Variants in XIAP observed in about 807,000 individuals in gnomAD.
The protein encoded by XIAP is E3 ubiquitin-protein ligase XIAP.
XIAP carries 3 observed loss-of-function variants against 33.1 expected under a neutral mutation model. That is an observed-to-expected ratio of 0.09 (90% CI 0.04 to 0.23). The LOEUF is 0.23. Among genes scored for constraint, XIAP ranks in the 10% least tolerant of loss-of-function variants. XIAP has a pLI of 1.00. For synonymous variants in XIAP, 98 were observed against 121.3 expected (o/e 0.81, Z 1.26); for missense variants, 264 against 363.0 (o/e 0.73, Z 2.22).
chrX:123,863,541 C>T (rs767201394), intron 1 of XIAP, among the ~76,000 whole-genome samples: 16 of 111,587 alleles, frequency 1.4e-4, no homozygotes, highest in Non-Finnish European at 1.7e-4. Flanking sequence ...TGGAGTTTCA[C>T]TCTTGTTGCC....
At chrX:123,888,849 C>T in intron 3 of XIAP, 131 bp downstream of exon 3, 1 of 568,294 alleles carries the variant, frequency 1.8e-6, no homozygotes, top group Non-Finnish European at 3.0e-6. Context: ...TAAAAATGAG[C>T]AAGGTTTATA....
chrX:123,900,791 A>T, intron 6 of XIAP, 98 bp downstream of exon 6: 1 of 771,808 alleles, frequency 1.3e-6, no homozygotes, highest in Non-Finnish European at 2.0e-6. Context: ...GTGGATATGG[A>T]CATTTTTTAA....
chrX:123,910,224 A>T lies in XIAP; in HGVS notation c.*3043A>T, dbSNP rs1224975332. Reference sequence around the variant, plus strand: ...ATAGCTTTATATTGCCTTTCCTGCTACATTTGGTTTTTTCCCCTGTCCCTT... The same window carrying T: ...ATAGCTTTATATTGCCTTTCCTGCTTCATTTGGTTTTTTCCCCTGTCCCTT... On this transcript the variant is annotated 3_prime_UTR_variant, in exon 7 of 7. Transcript: ENST00000371199. The T allele has an allele frequency of 9.1e-6, 3 of 328,084 alleles. No individual in the cohort carries two copies. The highest frequency in any genetic ancestry group is 1.8e-5 in the Non-Finnish European group (3 of 169,793). 27.0% of individuals were successfully genotyped at this position (328,084 alleles called of 1,213,427 possible). A position where few individuals can be genotyped will look rare whatever the true frequency, so the allele number is the denominator to read the frequency against.
Position 123,882,817 on chromosome X carries a change from C to T in XIAP, c.-32-2814C>T, listed in dbSNP as rs5958335. ...TTGTTTTTTGAGACGCTCGCTCTGT[C>T]GCCCAGGCTGGGGTGCAGTGGCACG... On this transcript the variant is annotated intron_variant, in intron 1 of 6. Transcript: ENST00000371199. 2.7e-3 allele frequency among the ~76,000 whole-genome samples: 306 copies of T among 112,524 alleles called. 1 individual carries two copies. The highest frequency in any genetic ancestry group is 8.9e-3 in the African/African-American group (277 of 31,065).
At chrX:123,903,515 G>A (rs2053532646) in intron 6 of XIAP, among the ~76,000 whole-genome samples, 1 of 109,297 alleles carries the variant, frequency 9.1e-6, no homozygotes, top group Non-Finnish European at 1.9e-5. Flanking sequence ...GACCTTAATT[G>A]GGAACCTGAA....
In XIAP at chrX:123,888,657, G is replaced by A; in HGVS notation, c.916G>A (p.Gly306Arg). The change falls in exon 3 of 7, where the codon GGG becomes AGG. Residue 306 changes from glycine to arginine, a missense_variant. Coordinates refer to ENST00000371199, the MANE Select transcript of XIAP (RefSeq NM_001167.4). ...DKVKCFHCGGGLTDWKPSEDP... is the reference protein window; with the variant it reads ...DKVKCFHCGGRLTDWKPSEDP... ...AGTAAAGTGCTTTCACTGTGGAGGA[G>A]GGCTAACTGATTGGAAGCCCAGTGA... is the stretch of plus-strand genomic sequence containing the variant. The A allele has an allele frequency of 8.3e-7, 1 of 1,211,877 alleles. No homozygotes were observed. The highest frequency in any genetic ancestry group is 1.1e-6 in the Non-Finnish European group (1 of 895,478).
chrX:123,901,946 C>T (rs2053517667), intron 6 of XIAP, among the ~76,000 whole-genome samples: 1 of 111,622 alleles, frequency 9.0e-6, no homozygotes, highest in Non-Finnish European at 1.9e-5. Context: ...GATTCTCCTG[C>T]CTCACCCTCC....
intron 1 of XIAP, 175 bp downstream of exon 1, chrX:123,860,468 G>T: frequency 3.8e-6 from 1 of 261,318 alleles, no homozygotes; most frequent in Admixed American, 5.0e-5. Flanking sequence ...GGGTTCCTCG[G>T]ACTGCCGACG....
At chrX:123,894,912 C>G (rs1045907027) in intron 5 of XIAP, among the ~76,000 whole-genome samples, 4 of 109,742 alleles carry the variant, frequency 3.6e-5, no homozygotes, top group Admixed American at 1.0e-4. Context: ...CTACTGCACT[C>G]CAGCCTGGGT....
chrX:123,883,762 C>T (rs914667124), intron 1 of XIAP, among the ~76,000 whole-genome samples: 3 of 111,258 alleles, frequency 2.7e-5, no homozygotes, highest in Non-Finnish European at 5.6e-5. Context: ...TCCCAAAGTG[C>T]TGGGATTACA....
chrX:123,885,522 C>T (rs1053468001), intron 1 of XIAP, 109 bp from the exon 2 acceptor site: 4 of 579,618 alleles, frequency 6.9e-6, no homozygotes, highest in Admixed American at 3.3e-5. Flanking sequence ...TCTTAGCGGT[C>T]GTGTAGTTAT....
At chrX:123,894,546 A>G (rs2053441159) in intron 5 of XIAP, among the ~76,000 whole-genome samples, 1 of 111,916 alleles carries the variant, frequency 8.9e-6, no homozygotes, top group Non-Finnish European at 1.9e-5. Context: ...AGGCAGGTGG[A>G]TCACCTGAGG....
At chrX:123,868,247 G>A (rs1240466147) in intron 1 of XIAP, among the ~76,000 whole-genome samples, 1 of 110,957 alleles carries the variant, frequency 9.0e-6, no homozygotes, top group African/African-American at 3.3e-5. Flanking sequence ...GAGCCATGAG[G>A]GCACCACTGC....
At chrX:123,880,439 T>TA (rs35181194) in intron 1 of XIAP, among the ~76,000 whole-genome samples, 1,228 of 80,951 alleles carry the variant, frequency 0.015, 17 homozygotes, top group African/African-American at 0.051. Flanking sequence ...AAAACCCTAA[T>TA]AAAAAAAAAA....
At chrX:123,877,018 G>C (rs1224082116) in intron 1 of XIAP, among the ~76,000 whole-genome samples, 4 of 108,920 alleles carry the variant, frequency 3.7e-5, no homozygotes, top group African/African-American at 1.3e-4. Context: ...GTAAATACAA[G>C]AATGTTAAAG....
chrX:123,865,353 G>T (rs1454989837), intron 1 of XIAP, among the ~76,000 whole-genome samples: 5 of 111,389 alleles, frequency 4.5e-5, no homozygotes, highest in Non-Finnish European at 1.9e-5. Context: ...CTGTGGGATT[G>T]TGCATGTCAA....
In XIAP at chrX:123,913,165, T is replaced by C. The variant is rs1368078948; in HGVS notation, c.*5984T>C. 2 of 326,678 alleles carry C rather than the reference T, an allele frequency of 6.1e-6. No homozygotes were observed. Among genetic ancestry groups the C allele is most frequent in the Non-Finnish European group, 1.2e-5 (2 of 169,529 alleles). 26.9% of individuals were successfully genotyped at this position (326,678 alleles called of 1,213,427 possible). On this transcript the variant is annotated 3_prime_UTR_variant, in exon 7 of 7. Coordinates refer to ENST00000371199, the MANE Select transcript of XIAP (RefSeq NM_001167.4). ...AAACCCCAGGGATAGCAAGGGACAA[T>C]TGTATCTTCAAAGTAGACAAATGGC...
intron 5 of XIAP, among the ~76,000 whole-genome samples, chrX:123,895,060 TTAC>T (rs2053447955): frequency 8.9e-6 from 1 of 111,780 alleles, no homozygotes; most frequent in South Asian, 3.7e-4. Context: ...GTGAGTGGCA[TTAC>T]TACTATTTAA....
In XIAP at chrX:123,885,781, G is replaced by A; in HGVS notation, c.119G>A (p.Ser40Asn). The part of the protein sequence containing the change: ...LKTFANFPSG[S>N]PVSASTLARA... ...ACTTTTGCTAATTTTCCAAGTGGTA[G>A]TCCTGTTTCAGCATCAACACTGGCA... Residue 40 changes from serine to asparagine, a missense_variant, in exon 2 of 7, where the codon AGT becomes AAT. Coordinates refer to ENST00000371199, the MANE Select transcript of XIAP (RefSeq NM_001167.4). The A allele has an allele frequency of 8.3e-7, 1 of 1,211,893 alleles. No individual in the cohort carries two copies. Among genetic ancestry groups the A allele is most frequent in the Non-Finnish European group, 1.1e-6 (1 of 895,567 alleles).
Sources: allele counts gnomAD v4.1 joint callset (sites outside exome capture counted in the v4.1 genomes callset), GRCh38; gene constraint gnomAD v4.1.1; transcripts MANE v1.5; gene names NCBI Gene and HGNC (gene_info 2026-07-23, HGNC 2026-07-21).